Variants in PFKFB4 observed in about 807,000 individuals in gnomAD.
PFKFB4 encodes 6-phosphofructo-2-kinase/fructose-2,6-bisphosphatase 4.
A neutral mutation model predicts 62.8 loss-of-function variants in PFKFB4; 42 were observed. That is an observed-to-expected ratio of 0.67 (90% CI 0.52 to 0.86). The LOEUF (loss-of-function observed/expected upper bound fraction) is 0.86. PFKFB4 is among the 40% of genes least tolerant of loss of function. The pLI, the probability that PFKFB4 is intolerant of heterozygous loss-of-function variation, is 0.00. For missense variants in PFKFB4, 475 were observed against 627.2 expected (o/e 0.76, Z 2.59); for synonymous variants, 204 against 240.7 (o/e 0.85, Z 1.41).
intron 1 of PFKFB4, among the ~76,000 whole-genome samples, chr3:48,551,387 T>A (rs1002548589): frequency 1.3e-5 from 2 of 151,474 alleles, no homozygotes; most frequent in South Asian, 4.2e-4. Flanking sequence ...GGCTAATTTT[T>A]GTATTTTCAG....
chr3:48,536,469 C>T lies in PFKFB4; in HGVS notation c.633-6G>A, dbSNP rs752084300. On this transcript the variant is annotated splice_polypyrimidine_tract_variant and splice_region_variant and intron_variant, in intron 7 of 13. Coordinates refer to ENST00000232375, the MANE Select transcript of PFKFB4 (RefSeq NM_004567.4). ...TCTTGATATAGGACAGGTCCCTGTC[C>T]AGAGAGAAAGTAGAAAGAGGCCTGT... The T allele has an allele frequency of 1.4e-5, 23 of 1,598,816 alleles. No homozygotes were observed. Among genetic ancestry groups the T allele is most frequent in the Non-Finnish European group, 2.0e-5 (23 of 1,167,078 alleles).
intron 9 of PFKFB4, among the ~76,000 whole-genome samples, chr3:48,532,567 A>C (rs905371514): frequency 6.6e-6 from 1 of 152,212 alleles, no homozygotes; most frequent in Non-Finnish European, 1.5e-5. Context: ...GAAAATTCTT[A>C]AGGCTGGGTG....
chr3:48,553,046 A>G (rs2043202763), intron 1 of PFKFB4, among the ~76,000 whole-genome samples: 1 of 152,236 alleles, frequency 6.6e-6, no homozygotes, highest in South Asian at 2.1e-4. Flanking sequence ...GAAATTGCCA[A>G]CTGAGGCACA....
At position 48,556,362 on chromosome 3, in the gene PFKFB4, T is replaced by C; in HGVS notation, c.97+319A>G. 1.9e-6 allele frequency: 1 copy of C among 535,156 alleles called. No homozygotes were observed. The allele number at this position is 535,156 out of a possible 1,614,324, so 33.2% of individuals were successfully genotyped here. ...GGTGCCCACAGGGTCCTCCCCAGAC[T>C]GGGGGCGATGGGGATTGGAGAGGGA... On this transcript the variant is annotated intron_variant, in intron 1 of 13. Transcript: ENST00000232375. This position sits in a 1 kb window ranked among gnomAD's most constrained non-coding sequence, Gnocchi z 5.7.
intron 9 of PFKFB4, among the ~76,000 whole-genome samples, chr3:48,530,093 A>G (rs927049063): frequency 6.6e-6 from 1 of 151,994 alleles, no homozygotes; most frequent in Admixed American, 6.6e-5. Flanking sequence ...TCTCTACTAA[A>G]AATACAAAAA....
chr3:48,538,744 G>T, intron 6 of PFKFB4, 125 bp from the exon 7 acceptor site: 1 of 1,234,422 alleles, frequency 8.1e-7, no homozygotes, highest in Non-Finnish European at 1.1e-6. Context: ...GGGAACCTGA[G>T]GCTGGAAGCT....
chr3:48,519,887 G>T, intron 13 of PFKFB4, 81 bp from the exon 14 acceptor site: 3 of 1,120,836 alleles, frequency 2.7e-6, no homozygotes, highest in South Asian at 1.3e-5. Flanking sequence ...CATCACTGTG[G>T]TTCATCAGGC....
At chr3:48,535,250 C>G (rs996279857) in intron 9 of PFKFB4, among the ~76,000 whole-genome samples, 1 of 152,190 alleles carries the variant, frequency 6.6e-6, no homozygotes, top group Non-Finnish European at 1.5e-5. Context: ...CCATGAGGAA[C>G]CCTAGCAGGA....
chr3:48,550,241 G>A lies in PFKFB4; in HGVS notation c.98-7C>T. On this transcript the variant is annotated splice_region_variant and splice_polypyrimidine_tract_variant and intron_variant, in intron 1 of 13. Coordinates refer to ENST00000232375, the MANE Select transcript of PFKFB4 (RefSeq NM_004567.4). ...GGGCAGTTGGTCATGCACACTAAAA[G>A]GCAAGCAGCACAGTGTCAGATGAGG... 6.3e-7 allele frequency: 1 copy of A among 1,593,006 alleles called. No individual in the cohort carries two copies. The highest frequency in any genetic ancestry group is 8.6e-7 in the Non-Finnish European group (1 of 1,160,788).
chr3:48,522,173 C>A, intron 12 of PFKFB4, 123 bp from the exon 13 acceptor site: 2 of 846,438 alleles, frequency 2.4e-6, no homozygotes, highest in South Asian at 2.9e-5. Flanking sequence ...CAGCCTCACT[C>A]TAGTTCTTCC....
At chr3:48,531,289 G>A (rs2042418029) in intron 9 of PFKFB4, among the ~76,000 whole-genome samples, 2 of 151,984 alleles carry the variant, frequency 1.3e-5, no homozygotes, top group African/African-American at 2.4e-5. Flanking sequence ...CCTGAGGTCA[G>A]GAGTTCAAGA....
intron 4 of PFKFB4, among the ~76,000 whole-genome samples, chr3:48,541,812 A>C (rs2042807946): frequency 6.6e-6 from 1 of 152,116 alleles, no homozygotes; most frequent in Non-Finnish European, 1.5e-5. Flanking sequence ...TGAAAAATAC[A>C]AGAATTAGCC....
rs1560184292 is a variant in PFKFB4 at position 48,556,671 on chromosome 3, C to T, written c.97+10G>A. 6.2e-7 allele frequency: 1 copy of T among 1,611,130 alleles called. No homozygotes were observed. Among genetic ancestry groups the T allele is most frequent in the Non-Finnish European group, 8.5e-7 (1 of 1,178,648 alleles). On this transcript the variant is annotated intron_variant, in intron 1 of 13. Transcript: ENST00000232375. This position sits in a 1 kb window ranked among gnomAD's most constrained non-coding sequence, Gnocchi z 5.7. ...CACCTCCCACCTCCTCCCAGAGGACCCCGCCTCACCACCGCGCTGGCAAGC... is the reference window on the plus strand; with the variant it reads ...CACCTCCCACCTCCTCCCAGAGGACTCCGCCTCACCACCGCGCTGGCAAGC...
intron 4 of PFKFB4, among the ~76,000 whole-genome samples, chr3:48,540,740 G>A (rs2042774186): frequency 6.6e-6 from 1 of 151,796 alleles, no homozygotes; most frequent in Non-Finnish European, 1.5e-5. Flanking sequence ...CTCCCAAGTA[G>A]CTGGGATTAC....
chr3:48,523,669 C>T, intron 11 of PFKFB4, 32 bp downstream of exon 11: 1 of 1,614,094 alleles, frequency 6.2e-7, no homozygotes, highest in Non-Finnish European at 8.5e-7. Context: ...TCTCACACAA[C>T]CTTCCCACCT....
In PFKFB4 at chr3:48,523,714, G is replaced by T. The variant is rs753061768; in HGVS notation, c.1209C>A (p.Leu403=). Residue 403 remains leucine, a synonymous_variant, in exon 11 of 14, where the codon CTC becomes CTA. Coordinates refer to ENST00000232375, the MANE Select transcript of PFKFB4 (RefSeq NM_004567.4). ...AVMRCLLAYF[L]DKAAEQLPYL... is the part of the protein sequence containing the mutation. The stretch of plus-strand genomic sequence containing the variant: ...CACAGCCCACACCTGCTGCCTTGTC[G>T]AGGAAGTAGGCCAGCAGGCAGCGCA... 2 of 1,614,032 alleles carry T rather than the reference G, an allele frequency of 1.2e-6. No homozygotes were observed. The highest frequency in any genetic ancestry group is 3.3e-5 in the Admixed American group (2 of 60,008).
At chr3:48,539,382 C>T in intron 5 of PFKFB4, 72 bp from the exon 6 acceptor site, 2 of 1,274,508 alleles carry the variant, frequency 1.6e-6, no homozygotes, top group Non-Finnish European at 2.3e-6. Flanking sequence ...TCCCGCCTTG[C>T]TCCTCGGAGC....
Position 48,550,104 on chromosome 3 carries a change from G to T in PFKFB4, c.214+14C>A. 6.3e-7 allele frequency: 1 copy of T among 1,576,266 alleles called. No individual in the cohort carries two copies. The highest frequency in any genetic ancestry group is 8.7e-7 in the Non-Finnish European group (1 of 1,145,600). On this transcript the variant is annotated intron_variant, in intron 2 of 13. Coordinates refer to ENST00000232375, the MANE Select transcript of PFKFB4 (RefSeq NM_004567.4). ...CCACAAAGCTCCCCTTAGACAGCTG[G>T]GGCCAAGCCTCACCCCGAGTGGGCA...
intron 7 of PFKFB4, among the ~76,000 whole-genome samples, chr3:48,538,159 T>C (rs1473136865): frequency 6.6e-6 from 1 of 152,226 alleles, no homozygotes; most frequent in Non-Finnish European, 1.5e-5. Context: ...CAACAGAGAC[T>C]GTACATCCTC....
Sources: gnomAD v4.1 joint callset for allele counts (sites outside exome capture counted in the v4.1 genomes callset) on GRCh38, gnomAD v4.1.1 for gene constraint, Gnocchi (gnomAD v3.1) non-coding constraint, MANE v1.5 for transcripts, NCBI Gene and HGNC (gene_info 2026-07-23, HGNC 2026-07-21) for gene names.